The following ZNF454 variants were observed in gnomAD, a reference collection of about 807,000 sequenced individuals.
ZNF454 encodes zinc finger protein 454.
ZNF454 carries 30 observed loss-of-function variants against 48.2 expected under a neutral mutation model. The observed-to-expected ratio is 0.62, with a 90% confidence interval of 0.47 to 0.84. The LOEUF (loss-of-function observed/expected upper bound fraction) is 0.84, where lower values mean the gene tolerates loss of function less well. Among genes scored for constraint, ZNF454 ranks in the 40% least tolerant of loss-of-function variants. The probability of loss-of-function intolerance (pLI) is 0.00; values close to 1 mark genes in which losing one functional copy is unlikely to be tolerated. For missense variants in ZNF454, 510 were observed against 623.1 expected (o/e 0.82, Z 1.93); for synonymous variants, 204 against 211.4 (o/e 0.97, Z 0.30).
At chr5:178,989,021 C>T in the ZNF454 span, 2 of 1,614,096 alleles carry the variant, frequency 1.2e-6, no homozygotes, top group Non-Finnish European at 8.5e-7. Context: ...GTGCCCAGGG[C>T]AGAGCGCCTG....
the ZNF454 span, chr5:178,989,215 T>TGCCCCCCCC: frequency 1.1e-6 from 1 of 886,704 alleles, no homozygotes; most frequent in Non-Finnish European, 1.6e-6. Context: ...CTCCCCACCC[T>TGCCCCCCCC]CACCACCCTC....
chr5:178,987,479 CA>C, the ZNF454 span: 1 of 456,518 alleles, frequency 2.2e-6, no homozygotes, highest in Non-Finnish European at 4.4e-6. Context: ...ATTCAGCCTT[CA>C]AAAGGAAGGC....
downstream of ZNF454, among the ~76,000 whole-genome samples, chr5:178,970,020 G>A (rs1290364605): frequency 6.6e-6 from 1 of 152,080 alleles, no homozygotes; most frequent in African/African-American, 2.4e-5. Flanking sequence ...TCTCTAAGAC[G>A]TTACCTTCCT....
intron 4 of ZNF454, among the ~76,000 whole-genome samples, chr5:178,959,242 C>A (rs1333686426): frequency 6.6e-6 from 1 of 152,188 alleles, no homozygotes; most frequent in East Asian, 1.9e-4. Context: ...CCCCATTGTA[C>A]TGCACTGTCA....
Position 178,965,424 on chromosome 5 carries a change from T to G in ZNF454, c.1020T>G (p.Ser340Arg). The change falls in exon 5 of 5, where the codon AGT (serine) becomes AGG (arginine). Residue 340 changes from serine (S) to arginine (R), a missense_variant. Physicochemically the swap from Ser to Arg is moderately radical, Grantham distance 110. Around this residue, in one of 3 missense-constraint regions of ZNF454, gnomAD observed 354 missense variants for 408.9 expected, o/e 0.87. Coordinates refer to ENST00000519564, the MANE Select transcript of ZNF454 (RefSeq NM_001178089.3). The surrounding 1 kb of genome is among the most constrained non-coding windows in gnomAD (Gnocchi z 5.2). ...CNECGKAFNQ[S>R]TSFLQHQRIH... is the part of the protein sequence containing the mutation. ...AATGTGGAAAAGCCTTTAATCAGAG[T>G]ACAAGTTTCCTTCAGCATCAGAGAA... 1 of 1,614,042 alleles carries G rather than the reference T, an allele frequency of 6.2e-7. No homozygotes were observed. The highest frequency in any genetic ancestry group is 1.7e-5 in the Admixed American group (1 of 60,016).
At chr5:178,988,896 C>T in the ZNF454 span, 1 of 1,547,606 alleles carries the variant, frequency 6.5e-7, no homozygotes, top group African/African-American at 1.4e-5. The surrounding 1 kb of genome is among the most constrained non-coding windows in gnomAD (Gnocchi z 6.0). Context: ...AGCCCCCCAG[C>T]TGTCCTTCAC....
the ZNF454 span, among the ~76,000 whole-genome samples, chr5:178,982,110 G>A: frequency 9.3e-4 from 142 of 152,314 alleles, 2 homozygotes; most frequent in Admixed American, 6.6e-3. Flanking sequence ...AGCGGGAGCC[G>A]GGGCATGTCA....
At chr5:178,985,415 A>C in the ZNF454 span, 1 of 365,424 alleles carries the variant, frequency 2.7e-6, no homozygotes, top group Non-Finnish European at 5.3e-6. Flanking sequence ...AAAAAAAAAA[A>C]AAAACTCACT....
intron 4 of ZNF454, among the ~76,000 whole-genome samples, chr5:178,951,783 G>A (rs1258665994): frequency 6.6e-6 from 1 of 151,982 alleles, no homozygotes; most frequent in Non-Finnish European, 1.5e-5. Flanking sequence ...GAGTTTCTTT[G>A]CGTGTATTCA....
At chr5:178,989,707 A>G in the ZNF454 span, 1 of 488,674 alleles carries the variant, frequency 2.0e-6, no homozygotes. Context: ...GAGCCTCACC[A>G]TTTGAAAGAC....
intron 4 of ZNF454, among the ~76,000 whole-genome samples, chr5:178,955,659 C>G (rs1184275190): frequency 6.6e-6 from 1 of 152,160 alleles, no homozygotes; most frequent in Non-Finnish European, 1.5e-5. Flanking sequence ...ACATCTCTGT[C>G]TCTGCTCTCA....
At chr5:178,970,986 T>C (rs929701865), downstream of ZNF454, among the ~76,000 whole-genome samples, 19 of 152,220 alleles carry the variant, frequency 1.2e-4, no homozygotes, top group Non-Finnish European at 2.6e-4. Context: ...CTGTTTCCCA[T>C]CACCGGGGCC....
At chr5:178,985,544 A>G in the ZNF454 span, 5 of 338,114 alleles carry the variant, frequency 1.5e-5, no homozygotes, top group Admixed American at 4.0e-5. Context: ...TCTACTAAAA[A>G]TACAAAAAAT....
downstream of ZNF454, among the ~76,000 whole-genome samples, chr5:178,967,535 T>C (rs1242030762): frequency 6.6e-6 from 1 of 152,144 alleles, no homozygotes; most frequent in African/African-American, 2.4e-5. Flanking sequence ...GGTCATTTCC[T>C]CTCCTCCATC....
At chr5:178,961,852 T>C (rs1276770653) in intron 4 of ZNF454, among the ~76,000 whole-genome samples, 1 of 151,628 alleles carries the variant, frequency 6.6e-6, no homozygotes, top group Non-Finnish European at 1.5e-5. Flanking sequence ...ATTTTCTTCC[T>C]TCTACCTTTA....
the ZNF454 span, chr5:178,978,404 G>A: frequency 6.6e-6 from 1 of 152,164 alleles, no homozygotes; most frequent in South Asian, 2.1e-4. Context: ...AGTAAGCAAT[G>A]AATGTAATAA....
At chr5:178,952,162 C>G (rs1225092126) in intron 4 of ZNF454, among the ~76,000 whole-genome samples, 1 of 152,038 alleles carries the variant, frequency 6.6e-6, no homozygotes, top group African/African-American at 2.4e-5. Flanking sequence ...CTCAGCCTCC[C>G]GAGTAGCTGG....
At chr5:178,942,876 G>A (rs1561692283) in intron 2 of ZNF454, 52 bp downstream of exon 2, 1 of 1,584,780 alleles carries the variant, frequency 6.3e-7, no homozygotes, top group Non-Finnish European at 8.6e-7. Flanking sequence ...GAAGAGTGTG[G>A]CATGTTTGCT....
At chr5:178,968,999 C>T (rs190317705), downstream of ZNF454, 258 of 391,948 alleles carry the variant, frequency 6.6e-4, 1 homozygote, top group African/African-American at 5.1e-3. Flanking sequence ...TGAAATCAGT[C>T]CTCCGAGATG....
Sources: allele counts gnomAD v4.1 joint callset (sites outside exome capture counted in the v4.1 genomes callset), GRCh38; gene constraint gnomAD v4.1.1; regional missense constraint gnomAD v4.1.1; non-coding constraint Gnocchi (gnomAD v3.1); transcripts MANE v1.5; gene names NCBI Gene and HGNC (gene_info 2026-07-23, HGNC 2026-07-21).